The following TCF12 variants were observed in gnomAD, a reference collection of about 807,000 sequenced individuals.
TCF12 encodes DNA-binding protein HTF4.
In TCF12, 45 loss-of-function variants were observed where a neutral mutation model predicts 86.0. That is an observed-to-expected ratio of 0.52 (90% confidence interval 0.41 to 0.67). TCF12 has a LOEUF of 0.67. Ranked by LOEUF, TCF12 falls within the 30% of genes least tolerant of loss-of-function variation. TCF12 has a pLI of 0.00. For missense variants in TCF12, 881 were observed against 859.9 expected (o/e 1.02, Z -0.31); for synonymous variants, 330 against 299.6 (o/e 1.10, Z -1.05).
intron 3 of TCF12, among the ~76,000 whole-genome samples, chr15:57,028,840 C>T (rs868292790): frequency 6.6e-6 from 1 of 151,900 alleles, no homozygotes; most frequent in Non-Finnish European, 1.5e-5. Flanking sequence ...ACTGTGTCGC[C>T]CAGGCTGAGG....
intron 4 of TCF12, among the ~76,000 whole-genome samples, chr15:57,075,545 T>C (rs1308031896): frequency 6.6e-6 from 1 of 152,112 alleles, no homozygotes; most frequent in Admixed American, 6.5e-5. Flanking sequence ...TGTAGAATGA[T>C]AAAAGCTATG....
At chr15:57,054,670 T>C (rs1276904556) in intron 3 of TCF12, among the ~76,000 whole-genome samples, 1 of 152,162 alleles carries the variant, frequency 6.6e-6, no homozygotes, top group African/African-American at 2.4e-5. Context: ...TTGTTTGTTT[T>C]CTGTGTATTC....
In TCF12 at chr15:57,286,638, A is replaced by G. The variant is rs1240643630; in HGVS notation, c.*493A>G. The G allele has an allele frequency of 2.2e-6, 1 of 456,740 alleles. No individual in the cohort carries two copies. The highest frequency in any genetic ancestry group is 4.4e-6 in the Non-Finnish European group (1 of 226,966). The allele number at this position is 456,740 out of a possible 1,614,324, so 28.3% of individuals were successfully genotyped here. ...ACGTGCAGAGAACAAAGCAGTGACAACCATTGGCCCTTAGCATTCCCGGCA... is the reference window on the plus strand; with the variant it reads ...ACGTGCAGAGAACAAAGCAGTGACAGCCATTGGCCCTTAGCATTCCCGGCA... On this transcript the variant is annotated 3_prime_UTR_variant, in exon 21 of 21. Transcript: ENST00000333725.
At chr15:57,240,879 C>CAAAAAAAAAAAAAAAA (rs68154303) in intron 12 of TCF12, among the ~76,000 whole-genome samples, 10 of 65,690 alleles carry the variant, frequency 1.5e-4, no homozygotes, top group African/African-American at 5.4e-4. Context: ...GACCCTGTCT[C>CAAAAAAAAAAAAAAAA]AAAAAAAAAA....
intron 5 of TCF12, among the ~76,000 whole-genome samples, chr15:57,148,995 A>G (rs539556361): frequency 4.2e-4 from 64 of 152,354 alleles, no homozygotes; most frequent in Non-Finnish European, 7.9e-4. Context: ...TTGCCAGGAT[A>G]TACAAATCCC....
Position 57,232,842 on chromosome 15 carries a change from C to T in TCF12, c.956C>T (p.Ser319Leu). Residue 319 changes from serine (S) to leucine (L), a missense_variant, in exon 11 of 21, where the codon TCA becomes TTA. By Grantham distance (145) the Ser-to-Leu change is moderately radical. This residue lies in a region of TCF12 where 766 missense variants were observed against 718.9 expected (regional missense o/e 1.07). Transcript: ENST00000333725. ...AASHTPPING[S>L]DSILGTRGNA... ...TCACACACTCCTCCCATCAATGGAT[C>T]AGACAGCATTCTAGGTGAGCTTTTT... 1 of 1,593,374 alleles carries T rather than the reference C, an allele frequency of 6.3e-7. No individual in the cohort carries two copies. Among genetic ancestry groups the T allele is most frequent in the African/African-American group, 1.4e-5 (1 of 73,722 alleles).
intron 3 of TCF12, among the ~76,000 whole-genome samples, chr15:57,038,516 G>A (rs771486893): frequency 6.6e-6 from 1 of 152,112 alleles, no homozygotes; most frequent in Non-Finnish European, 1.5e-5. Flanking sequence ...GTACTATTTC[G>A]TGATATCACA....
At chr15:57,118,413 A>G (rs2050991784) in intron 5 of TCF12, 1 of 152,182 alleles carries the variant, frequency 6.6e-6, no homozygotes, top group Non-Finnish European at 1.5e-5. Context: ...TTTTCCCTTT[A>G]GTGGGTGCTT....
intron 4 of TCF12, among the ~76,000 whole-genome samples, chr15:57,064,649 G>A (rs1289643785): frequency 6.6e-6 from 1 of 151,720 alleles, no homozygotes; most frequent in African/African-American, 2.4e-5. Context: ...ACAAAAATTA[G>A]CCAAGGCGTG....
chr15:57,185,273 T>G (rs766631737), intron 6 of TCF12, among the ~76,000 whole-genome samples: 2 of 152,228 alleles, frequency 1.3e-5, no homozygotes, highest in Non-Finnish European at 2.9e-5. Flanking sequence ...GTTTAGTACA[T>G]TGTTTGCTTC....
intron 5 of TCF12, among the ~76,000 whole-genome samples, chr15:57,145,956 C>T (rs2053329934): frequency 6.6e-6 from 1 of 152,090 alleles, no homozygotes; most frequent in African/African-American, 2.4e-5. Flanking sequence ...TGGTATGGTA[C>T]CCGAGATTCT....
intron 3 of TCF12, among the ~76,000 whole-genome samples, chr15:57,037,335 G>T (rs1344896968): frequency 6.6e-6 from 1 of 152,106 alleles, no homozygotes; most frequent in Non-Finnish European, 1.5e-5. Flanking sequence ...CAGCAACTTG[G>T]GAGGCTGAGG....
intron 3 of TCF12, among the ~76,000 whole-genome samples, chr15:56,946,797 C>T (rs868209489): frequency 3.4e-5 from 4 of 118,782 alleles, no homozygotes; most frequent in Non-Finnish European, 7.3e-5. Flanking sequence ...GTCTAAAGTA[C>T]CTTTTTTTTT....
intron 3 of TCF12, among the ~76,000 whole-genome samples, chr15:57,038,923 G>A (rs79547347): frequency 2.6e-5 from 4 of 152,286 alleles, no homozygotes; most frequent in Non-Finnish European, 5.9e-5. Flanking sequence ...GAGGGGACAC[G>A]GGATAGATAG....
chr15:57,243,556 C>T lies in TCF12; in HGVS notation c.1114+6C>T. 3 of 1,611,214 alleles carry T rather than the reference C, an allele frequency of 1.9e-6. No homozygotes were observed. Among genetic ancestry groups the T allele is most frequent in the Non-Finnish European group, 2.5e-6 (3 of 1,177,540 alleles). ...ATCACCTTCACCTCTCACAGGTAGG[C>T]TTCTGTTTTATCTACTTCTAACTGG... On this transcript the variant is annotated splice_donor_region_variant and intron_variant, in intron 13 of 20. Coordinates refer to ENST00000333725, the MANE Select transcript of TCF12 (RefSeq NM_207037.2).
At chr15:57,071,781 T>A (rs1180498988) in intron 4 of TCF12, among the ~76,000 whole-genome samples, 1 of 152,308 alleles carries the variant, frequency 6.6e-6, no homozygotes, top group Admixed American at 6.5e-5. Flanking sequence ...CTTTGGATGG[T>A]CAAGAAAGAC....
upstream of TCF12, chr15:56,918,503 C>G: frequency 3.1e-6 from 1 of 317,774 alleles, no homozygotes; most frequent in South Asian, 2.2e-5. Flanking sequence ...GGGCTTTGTC[C>G]ACCCGCCGCG....
chr15:56,997,228 GC>G (rs1288171301), intron 3 of TCF12, among the ~76,000 whole-genome samples: 4 of 152,204 alleles, frequency 2.6e-5, no homozygotes, highest in Admixed American at 6.5e-5. Flanking sequence ...CAACACATGT[GC>G]CTATCAGTGG....
intron 6 of TCF12, among the ~76,000 whole-genome samples, chr15:57,172,047 T>G (rs907536681): frequency 1.6e-4 from 24 of 152,200 alleles, no homozygotes; most frequent in African/African-American, 5.1e-4. Context: ...CTTTAAAAAC[T>G]GTACCTTACT....
Sources: gnomAD v4.1 joint callset for allele counts (sites outside exome capture counted in the v4.1 genomes callset) on GRCh38, gnomAD v4.1.1 for gene constraint, gnomAD v4.1.1 regional missense constraint, MANE v1.5 for transcripts, NCBI Gene and HGNC (gene_info 2026-07-23, HGNC 2026-07-21) for gene names.